MPDZ: variants seen among roughly 807,000 people sequenced by gnomAD.
The protein encoded by MPDZ is multiple PDZ domain protein.
MPDZ carries 234 observed loss-of-function variants against 239.1 expected under a neutral mutation model. The observed-to-expected ratio is 0.98, with a 90% CI of 0.88 to 1.09. The LOEUF is 1.09. Ranked by LOEUF, MPDZ falls within the 50% of genes least tolerant of loss-of-function variation. MPDZ has a pLI of 0.00. For synonymous variants in MPDZ, 1,048 were observed against 881.3 expected, an observed-to-expected ratio of 1.19 and a Z score of -3.35; for missense variants, 3,175 against 2,510.0, an observed-to-expected ratio of 1.26 and a Z score of -5.66.
chr9:13,111,831 A>G (rs1942530080), intron 43 of MPDZ, among the ~76,000 whole-genome samples, 193 bp downstream of exon 43: 1 of 152,190 alleles, frequency 6.6e-6, no homozygotes, highest in Non-Finnish European at 1.5e-5. Flanking sequence ...TTAACTGCAA[A>G]TCTGCATTTT....
intron 28 of MPDZ, among the ~76,000 whole-genome samples, chr9:13,139,015 T>A (rs1947261925): frequency 6.6e-6 from 1 of 152,228 alleles, no homozygotes; most frequent in South Asian, 2.1e-4. Flanking sequence ...AAGATTACAT[T>A]CTGACCACAT....
At chr9:13,172,696 A>C (rs890058341) in intron 21 of MPDZ, among the ~76,000 whole-genome samples, 2 of 152,048 alleles carry the variant, frequency 1.3e-5, no homozygotes, top group African/African-American at 4.8e-5. Flanking sequence ...CAAATGTTTT[A>C]CTTTCACTAA....
intron 40 of MPDZ, 68 bp from the exon 41 acceptor site, chr9:13,114,089 C>T: frequency 8.2e-7 from 1 of 1,220,304 alleles, no homozygotes; most frequent in Non-Finnish European, 1.2e-6. Context: ...CCACTTATTT[C>T]AGAATTTAAT....
At position 13,263,281 on chromosome 9, in the gene MPDZ, A is replaced by G. The variant is rs115454015; in HGVS notation, c.-57-12909T>C. Among the ~76,000 whole-genome samples, 829 of 152,046 alleles carry G rather than the reference A, an allele frequency of 5.5e-3. 6 individuals carry two copies. Among genetic ancestry groups the G allele is most frequent in the African/African-American group, 0.018 (743 of 41,460 alleles). ...ACATTTGAAATTTTTCATAATAACT[A>G]TTACAAAAATAAGGCAGCCGATATG... On this transcript the variant is annotated intron_variant, in intron 1 of 46. Transcript: ENST00000319217.
chr9:13,252,511 A>G (rs1489253349), intron 1 of MPDZ, among the ~76,000 whole-genome samples: 1 of 148,648 alleles, frequency 6.7e-6, no homozygotes, highest in East Asian at 2.0e-4. Context: ...GGTTGCAGTG[A>G]GCCAAGATCG....
chr9:13,118,235 C>T (rs1447555416), intron 39 of MPDZ, among the ~76,000 whole-genome samples: 1 of 152,066 alleles, frequency 6.6e-6, no homozygotes, highest in Non-Finnish European at 1.5e-5. Context: ...ATAATTCTTA[C>T]AGAGATAACA....
chr9:13,117,424 A>G (rs573184821), intron 39 of MPDZ, among the ~76,000 whole-genome samples: 4 of 151,832 alleles, frequency 2.6e-5, no homozygotes, highest in Admixed American at 6.6e-5. Flanking sequence ...CCAGCTACTC[A>G]GGAGGCTGAG....
intron 2 of MPDZ, among the ~76,000 whole-genome samples, chr9:13,248,976 C>CAAAAAAAAAAAAAAAAAAAAAAAAAAAA (rs71331534): frequency 8.4e-5 from 3 of 35,820 alleles, no homozygotes; most frequent in Non-Finnish European, 1.0e-4. Flanking sequence ...GACTCCATCT[C>CAAAAAAAAAAAAAAAAAAAAAAAAAAAA]AAAAAAAAAA....
intron 3 of MPDZ, among the ~76,000 whole-genome samples, chr9:13,229,848 T>C (rs1961844219): frequency 6.6e-6 from 1 of 152,030 alleles, no homozygotes; most frequent in South Asian, 2.1e-4. Context: ...AGGAGTAGGG[T>C]AAATAAAGTT....
Position 13,125,208 on chromosome 9 carries a change from G to A in MPDZ, c.4807+8C>T, listed in dbSNP as rs777913686. ...TGTGCAGGACTCTCATGAGTCCAGA[G>A]GCCTTACTTCGGATGGACTCCGGTT... On this transcript the variant is annotated splice_region_variant and intron_variant, in intron 35 of 46. Transcript: ENST00000319217. 5 of 1,582,326 alleles carry A rather than the reference G, an allele frequency of 3.2e-6. No homozygotes were observed. The South Asian group carries it at 4.6e-5, about 15-fold the overall frequency.
chr9:13,148,017 G>C (rs893922544), intron 25 of MPDZ, among the ~76,000 whole-genome samples: 7 of 151,998 alleles, frequency 4.6e-5, no homozygotes, highest in African/African-American at 1.7e-4. Context: ...CATCATGAAA[G>C]TCACTGTACT....
rs1169786347 is a variant in MPDZ at position 13,115,808 on chromosome 9, G to A, written c.5380-474C>T. Among the ~76,000 whole-genome samples, 8 of 152,082 alleles carry A rather than the reference G, an allele frequency of 5.3e-5. No individual in the cohort carries two copies. In the East Asian group the frequency reaches 1.4e-3, roughly 26 times the overall value. On this transcript the variant is annotated intron_variant, in intron 39 of 46. Coordinates refer to ENST00000319217, the MANE Select transcript of MPDZ (RefSeq NM_001378778.1). ...AAAATACAAAAAAATAGCTGGGCGT[G>A]GTGGCAGGCGCCTGTAGTCCCAGCT...
chr9:13,177,016 C>A (rs1198285359), intron 19 of MPDZ, among the ~76,000 whole-genome samples: 1 of 152,114 alleles, frequency 6.6e-6, no homozygotes, highest in Non-Finnish European at 1.5e-5. Context: ...GACGGGTTGT[C>A]ATAAAATGTA....
chr9:13,236,276 T>TATATATATATAGA (rs1964013619), intron 3 of MPDZ, among the ~76,000 whole-genome samples: 1 of 36,348 alleles, frequency 2.8e-5, no homozygotes, highest in Non-Finnish European at 6.6e-5. Context: ...TATTTTTTTT[T>TATATATATATAGA]TTTTTTTTTT....
At chr9:13,177,537 A>G (rs754786692) in intron 19 of MPDZ, among the ~76,000 whole-genome samples, 2 of 152,216 alleles carry the variant, frequency 1.3e-5, no homozygotes, top group Non-Finnish European at 2.9e-5. Flanking sequence ...TACAATAAAT[A>G]GCACTTTTAC....
At chr9:13,197,403 C>G (rs1338043900) in intron 12 of MPDZ, among the ~76,000 whole-genome samples, 22 of 151,948 alleles carry the variant, frequency 1.4e-4, no homozygotes, top group Non-Finnish European at 4.4e-5. Flanking sequence ...GGGATTACAC[C>G]AATAAGCCAC....
Position 13,188,891 on chromosome 9 carries a change from A to T in MPDZ, c.2257T>A (p.Phe753Ile), listed in dbSNP as rs1489461360. Residue 753 changes from phenylalanine (F) to isoleucine (I), a missense_variant, in exon 17 of 47, where the codon TTT (phenylalanine) becomes ATT (isoleucine). Physicochemically the swap from Phe to Ile is conservative, Grantham distance 21. Transcript: ENST00000319217. ...GRLLPGDRLMFVNDVNLENSS... is the reference protein window; with the variant it reads ...GRLLPGDRLMIVNDVNLENSS... ...TTTTCCAAGTTAACATCGTTTACAA[A>T]CATGAGTCGGTCACCAGGAAGAAGT... is the stretch of plus-strand genomic sequence containing the variant. 1 of 1,613,602 alleles carries T rather than the reference A, an allele frequency of 6.2e-7. No homozygotes were observed. The highest frequency in any genetic ancestry group is 8.5e-7 in the Non-Finnish European group (1 of 1,179,592).
intron 22 of MPDZ, among the ~76,000 whole-genome samples, chr9:13,164,886 G>T (rs1950889451): frequency 6.6e-6 from 1 of 152,134 alleles, no homozygotes; most frequent in Non-Finnish European, 1.5e-5. Flanking sequence ...CAAATCGCCA[G>T]CAAAAATGCC....
chr9:13,235,055 G>A (rs1391899056), intron 3 of MPDZ, among the ~76,000 whole-genome samples: 2 of 152,042 alleles, frequency 1.3e-5, no homozygotes, highest in Admixed American at 1.3e-4. Context: ...AACCTAGAGA[G>A]GCCTCCTTTT....
Sources: allele counts gnomAD v4.1 joint callset (sites outside exome capture counted in the v4.1 genomes callset), GRCh38; gene constraint gnomAD v4.1.1; transcripts MANE v1.5; gene names NCBI Gene and HGNC (gene_info 2026-07-23, HGNC 2026-07-21).